The following NELL1 variants were observed in gnomAD, a reference collection of about 807,000 sequenced individuals.
NELL1 encodes protein kinase C-binding protein NELL1.
In NELL1, 76 loss-of-function variants were observed where a neutral mutation model predicts 107.4. That is an observed-to-expected ratio of 0.71 (90% confidence interval 0.59 to 0.86). The LOEUF is 0.86. Among genes scored for constraint, NELL1 ranks in the 40% least tolerant of loss-of-function variants. The probability of loss-of-function intolerance (pLI) is 0.00; values close to 1 mark genes in which losing one functional copy is unlikely to be tolerated. For synonymous variants in NELL1, 353 were observed against 341.2 expected, an observed-to-expected ratio of 1.03 and a Z score of -0.38; for missense variants, 1,024 against 1,005.5, an observed-to-expected ratio of 1.02 and a Z score of -0.25.
intron 15 of NELL1, among the ~76,000 whole-genome samples, chr11:21,388,086 T>A (rs1851788057): frequency 6.6e-6 from 1 of 151,672 alleles, no homozygotes; most frequent in African/African-American, 2.4e-5. Flanking sequence ...TATGTTTTTT[T>A]TTTTTTCTGG....
At chr11:21,308,636 A>C (rs4335544) in intron 14 of NELL1, among the ~76,000 whole-genome samples, 86,783 of 151,768 alleles carry the variant, frequency 0.57, 25,115 homozygotes, top group South Asian at 0.62. Context: ...TTTAAATTTC[A>C]TTCCTCCAAA....
intron 16 of NELL1, among the ~76,000 whole-genome samples, chr11:21,550,961 T>C (rs1856566256): frequency 6.6e-6 from 1 of 151,400 alleles, no homozygotes; most frequent in African/African-American, 2.4e-5. Context: ...TGTTGATTCT[T>C]CCTACCCATG....
chr11:21,354,415 T>C (rs1300622569), intron 14 of NELL1, among the ~76,000 whole-genome samples: 1 of 152,154 alleles, frequency 6.6e-6, no homozygotes, highest in Admixed American at 6.6e-5. Context: ...CAGGTTTCTC[T>C]CATTGGGTGA....
At chr11:21,090,537 C>CT (rs937837505) in intron 12 of NELL1, among the ~76,000 whole-genome samples, 8 of 152,148 alleles carry the variant, frequency 5.3e-5, no homozygotes, top group African/African-American at 1.9e-4. Flanking sequence ...GGCTCTGTCA[C>CT]TTTGCAGCTG....
At chr11:20,920,241 A>G (rs1482602761) in intron 7 of NELL1, among the ~76,000 whole-genome samples, 1 of 152,134 alleles carries the variant, frequency 6.6e-6, no homozygotes, top group Non-Finnish European at 1.5e-5. Flanking sequence ...AAGAATTTTA[A>G]TAACAATGAA....
At chr11:21,173,659 T>A (rs1195683811) in intron 13 of NELL1, among the ~76,000 whole-genome samples, 5 of 151,790 alleles carry the variant, frequency 3.3e-5, no homozygotes, top group Non-Finnish European at 7.4e-5. Flanking sequence ...CATGAACAGA[T>A]GGGGACAGTG....
chr11:21,553,932 G>A (rs58379880), intron 16 of NELL1, among the ~76,000 whole-genome samples: 22,528 of 151,838 alleles, frequency 0.15, 1,868 homozygotes, highest in African/African-American at 0.22. Flanking sequence ...TAACAATACA[G>A]TGTGTATAGC....
intron 12 of NELL1, among the ~76,000 whole-genome samples, chr11:21,088,071 G>A (rs1412808671): frequency 6.7e-6 from 1 of 149,742 alleles, no homozygotes; most frequent in African/African-American, 2.5e-5. Context: ...GTGTGTGTGT[G>A]TGTGTGTGTG....
At chr11:21,566,044 T>C (rs1564964138) in intron 17 of NELL1, among the ~76,000 whole-genome samples, 1 of 151,960 alleles carries the variant, frequency 6.6e-6, no homozygotes, top group African/African-American at 2.4e-5. Context: ...TCATGTTTTG[T>C]AGACCATAAA....
At chr11:21,312,959 C>T (rs1849782050) in intron 14 of NELL1, among the ~76,000 whole-genome samples, 1 of 151,898 alleles carries the variant, frequency 6.6e-6, no homozygotes, top group Non-Finnish European at 1.5e-5. Context: ...ACCTGTAATC[C>T]CAGCTACTTG....
intron 14 of NELL1, among the ~76,000 whole-genome samples, chr11:21,361,815 T>G (rs4923566): frequency 0.77 from 117,544 of 152,012 alleles, 45,601 homozygotes; most frequent in East Asian, 0.86. Context: ...CTCTAAGTAT[T>G]CCTTTCATTT....
intron 16 of NELL1, among the ~76,000 whole-genome samples, chr11:21,536,212 G>A (rs1005654913): frequency 5.3e-5 from 8 of 152,182 alleles, no homozygotes; most frequent in African/African-American, 1.7e-4. Context: ...CACCAAGGTA[G>A]TGAGCATAGT....
chr11:21,458,107 C>T (rs543266450), intron 15 of NELL1, among the ~76,000 whole-genome samples: 1 of 152,130 alleles, frequency 6.6e-6, no homozygotes, highest in African/African-American at 2.4e-5. Context: ...CGAAGAGAGA[C>T]ACTGGGAGAA....
intron 14 of NELL1, among the ~76,000 whole-genome samples, chr11:21,316,854 G>T (rs1343261539): frequency 6.6e-6 from 1 of 152,170 alleles, no homozygotes; most frequent in African/African-American, 2.4e-5. Flanking sequence ...TGGGGAAGAG[G>T]CAGGGAAAGG....
chr11:20,833,507 A>G (rs534672151), intron 3 of NELL1, among the ~76,000 whole-genome samples: 11 of 152,306 alleles, frequency 7.2e-5, no homozygotes, highest in South Asian at 6.2e-4. Context: ...TTAAGTCACT[A>G]CAAGTATGCT....
chr11:21,379,063 GT>G (rs1034460565), intron 15 of NELL1, among the ~76,000 whole-genome samples: 1 of 151,876 alleles, frequency 6.6e-6, no homozygotes, highest in Non-Finnish European at 1.5e-5. Context: ...CAATTAATCA[GT>G]TTTTTTGGTA....
At chr11:20,864,010 A>G (rs966211382) in intron 4 of NELL1, among the ~76,000 whole-genome samples, 1 of 152,072 alleles carries the variant, frequency 6.6e-6, no homozygotes, top group African/African-American at 2.4e-5. Context: ...CGGCAGGCTG[A>G]GGCAGGAGAA....
chr11:20,916,309 C>A (rs1429786), intron 5 of NELL1, among the ~76,000 whole-genome samples: 137,801 of 151,870 alleles, frequency 0.91, 62,897 homozygotes, highest in East Asian at 1. Flanking sequence ...GGAGAGATGC[C>A]CATAGAGGAA....
intron 12 of NELL1, among the ~76,000 whole-genome samples, chr11:21,082,777 GTCTTCTTTGTTCTCATA>G (rs1854300276): frequency 6.6e-6 from 1 of 152,060 alleles, no homozygotes; most frequent in African/African-American, 2.4e-5. Context: ...CTGTGTCTTA[GTCTTCTTTGTTCTCATA>G]TCTTCTTCAA....
Sources: gnomAD v4.1 joint callset for allele counts (sites outside exome capture counted in the v4.1 genomes callset) on GRCh38, gnomAD v4.1.1 for gene constraint, MANE v1.5 for transcripts, NCBI Gene and HGNC (gene_info 2026-07-23, HGNC 2026-07-21) for gene names.